Variants in RAB27B observed in about 807,000 individuals in gnomAD.
RAB27B encodes ras-related protein Rab-27B.
In RAB27B, 15 loss-of-function variants were observed where a neutral mutation model predicts 24.6. The ratio of observed to expected loss-of-function variants is 0.61; its 90% confidence interval spans 0.41 to 0.94. The LOEUF (loss-of-function observed/expected upper bound fraction) is 0.94. Among genes scored for constraint, RAB27B ranks in the 40% least tolerant of loss-of-function variants. The probability of loss-of-function intolerance (pLI) is 0.00; values close to 1 mark genes in which losing one functional copy is unlikely to be tolerated. For missense variants in RAB27B, 261 were observed against 266.8 expected (o/e 0.98, Z 0.15); for synonymous variants, 105 against 92.5 (o/e 1.14, Z -0.78).
At chr18:54,854,586 C>T (rs566361637) in intron 1 of RAB27B, among the ~76,000 whole-genome samples, 1 of 152,216 alleles carries the variant, frequency 6.6e-6, no homozygotes, top group African/African-American at 2.4e-5. Context: ...TGTGAAATTT[C>T]CTAACCCACC....
intron 4 of RAB27B, among the ~76,000 whole-genome samples, chr18:54,885,429 C>T (rs1042846254): frequency 6.6e-6 from 1 of 152,160 alleles, no homozygotes; most frequent in Admixed American, 6.5e-5. Flanking sequence ...CCGTAATTCC[C>T]TCTTACTTGG....
At chr18:54,873,552 G>T (rs1912562420) in intron 1 of RAB27B, among the ~76,000 whole-genome samples, 1 of 151,894 alleles carries the variant, frequency 6.6e-6, no homozygotes, top group Non-Finnish European at 1.5e-5. Context: ...CCAGTTCTAG[G>T]AAAATTTGCC....
intron 2 of RAB27B, among the ~76,000 whole-genome samples, chr18:54,804,095 G>A (rs1909692245): frequency 6.6e-6 from 1 of 152,124 alleles, no homozygotes; most frequent in Admixed American, 6.6e-5. Context: ...TGTTAGAAAT[G>A]CAGAACTATT....
intron 1 of RAB27B, among the ~76,000 whole-genome samples, chr18:54,859,370 T>C (rs1294871758): frequency 6.6e-6 from 1 of 152,148 alleles, no homozygotes; most frequent in East Asian, 1.9e-4. Context: ...TAATGAAAAG[T>C]TGAGCAAAAG....
chr18:54,724,622 C>T (rs1909471128), intron 2 of RAB27B, among the ~76,000 whole-genome samples: 1 of 151,150 alleles, frequency 6.6e-6, no homozygotes, highest in South Asian at 2.1e-4. Context: ...ATTGCTTGAA[C>T]CTGGGAGACG....
At position 54,774,218 on chromosome 18, in the gene RAB27B, T is replaced by A. The variant is rs567818327; in HGVS notation, c.-20+56077T>A. ...ATCATGTATTACTATTCAGAAACAA[T>A]TATAACCCTAGAAGGCTTGATTTTA... On this transcript the variant is annotated intron_variant, in intron 2 of 4. Coordinates refer to the RAB27B transcript ENST00000586570. Among the ~76,000 whole-genome samples, 9 of 152,292 alleles carry A rather than the reference T, an allele frequency of 5.9e-5. No homozygotes were observed. The South Asian group carries it at 1.9e-3, about 32-fold the overall frequency.
chr18:54,743,411 C>T (rs1209600987), intron 2 of RAB27B, among the ~76,000 whole-genome samples: 2 of 152,074 alleles, frequency 1.3e-5, no homozygotes, highest in African/African-American at 4.8e-5. Flanking sequence ...TATGGAAATG[C>T]AGCTATAATA....
chr18:54,747,795 T>C (rs1910300251), intron 2 of RAB27B, among the ~76,000 whole-genome samples: 1 of 152,194 alleles, frequency 6.6e-6, no homozygotes, highest in South Asian at 2.1e-4. Context: ...CATAAAGATT[T>C]TGTGCATAAA....
intron 2 of RAB27B, among the ~76,000 whole-genome samples, chr18:54,730,357 C>T (rs986599179): frequency 5.3e-5 from 8 of 152,280 alleles, no homozygotes; most frequent in Admixed American, 2.0e-4. Context: ...CTGCGCCTTC[C>T]GACAAATGCA....
At chr18:54,825,839 C>T (rs1341125376), upstream of RAB27B, among the ~76,000 whole-genome samples, 1 of 152,168 alleles carries the variant, frequency 6.6e-6, no homozygotes, top group Non-Finnish European at 1.5e-5. Context: ...AACCAAACCC[C>T]TGTGTTTACC....
intron 1 of RAB27B, among the ~76,000 whole-genome samples, chr18:54,841,834 A>T (rs1303401334): frequency 6.6e-6 from 1 of 152,228 alleles, no homozygotes; most frequent in Non-Finnish European, 1.5e-5. Context: ...TTGCCTTCAG[A>T]AATAAGACAC....
chr18:54,730,801 C>T (rs983658397), intron 2 of RAB27B, among the ~76,000 whole-genome samples: 13 of 152,168 alleles, frequency 8.5e-5, no homozygotes, highest in Admixed American at 3.3e-4. Flanking sequence ...ACCTCCTACA[C>T]AACCATGAGT....
intron 2 of RAB27B, among the ~76,000 whole-genome samples, chr18:54,746,187 T>C (rs1012235510): frequency 6.6e-5 from 10 of 152,084 alleles, no homozygotes; most frequent in Non-Finnish European, 1.5e-4. Flanking sequence ...AATGAAATAG[T>C]CCACAACTGA....
At chr18:54,725,401 A>G (rs1236430699) in intron 2 of RAB27B, among the ~76,000 whole-genome samples, 2 of 151,520 alleles carry the variant, frequency 1.3e-5, no homozygotes, top group Admixed American at 1.3e-4. Flanking sequence ...CGTGACTTCA[A>G]TGTACCTTAC....
In RAB27B at chr18:54,797,213, A is replaced by G. The variant is rs527681218; in HGVS notation, c.-20+79072A>G. Among the ~76,000 whole-genome samples the G allele has an allele frequency of 4.1e-4, 63 of 152,318 alleles. 1 individual carries two copies. The South Asian group carries it at 0.013, about 31-fold the overall frequency. ...TGTTTCTAGGGAATCACATCTCTTA[A>G]AATGCAAAAGTGGCCGGACACAGTG... On this transcript the variant is annotated intron_variant, in intron 2 of 4. Transcript: ENST00000586570.
intron 2 of RAB27B, among the ~76,000 whole-genome samples, chr18:54,810,877 TAAATAAG>T: frequency 1.4e-5 from 2 of 140,530 alleles, no homozygotes; most frequent in Admixed American, 1.4e-4. Flanking sequence ...AATAAATAAA[TAAATAAG>T]AAAACCTCTG....
At chr18:54,719,453 A>G (rs576100341) in intron 2 of RAB27B, among the ~76,000 whole-genome samples, 21 of 151,994 alleles carry the variant, frequency 1.4e-4, no homozygotes, top group Non-Finnish European at 2.6e-4. Context: ...ATACTTTTTA[A>G]ATGTAACTAA....
At position 54,894,476 on chromosome 18, in the gene RAB27B, G is replaced by A. The variant is rs1311666098; in HGVS notation, c.*5063G>A. The A allele has an allele frequency of 6.6e-6, 1 of 151,910 alleles. No homozygotes were observed. Among genetic ancestry groups the A allele is most frequent in the Admixed American group, 6.6e-5 (1 of 15,232 alleles). 9.4% of individuals were successfully genotyped at this position (151,910 alleles called of 1,614,324 possible). On this transcript the variant is annotated 3_prime_UTR_variant, in exon 6 of 6. Coordinates refer to ENST00000262094, the MANE Select transcript of RAB27B (RefSeq NM_004163.4). ...TTTATGTCTGTTGGCATATCAAAAT[G>A]GTTTCTGTTCCTAGAAAAGTAATAA...
chr18:54,724,099 A>G (rs1323884676), intron 2 of RAB27B, among the ~76,000 whole-genome samples: 1 of 145,416 alleles, frequency 6.9e-6, no homozygotes, highest in Non-Finnish European at 1.6e-5. Context: ...ACGTGTGTAA[A>G]TGTGGGGAAT....
Sources: allele counts gnomAD v4.1 joint callset (sites outside exome capture counted in the v4.1 genomes callset), GRCh38; gene constraint gnomAD v4.1.1; transcripts MANE v1.5; gene names NCBI Gene and HGNC (gene_info 2026-07-23, HGNC 2026-07-21).